The following VEPH1 variants were observed in gnomAD, a reference collection of about 807,000 sequenced individuals.
VEPH1 encodes the protein ventricular zone expressed PH domain containing 1, also known as ventricular zone-expressed PH domain-containing protein homolog 1.
VEPH1 carries 80 observed loss-of-function variants against 85.2 expected under a neutral mutation model. That is an observed-to-expected ratio of 0.94 (90% CI 0.78 to 1.13). VEPH1 has a LOEUF of 1.13. VEPH1 is among the 50% of genes most tolerant of loss of function. VEPH1 has a pLI of 0.00. For synonymous variants in VEPH1, 297 were observed against 348.0 expected (o/e 0.85, Z 1.63); for missense variants, 955 against 980.5 (o/e 0.97, Z 0.35).
chr3:157,317,334 A>G (rs1577325752), intron 9 of VEPH1, 133 bp from the exon 10 acceptor site: 6 of 684,656 alleles, frequency 8.8e-6, no homozygotes, highest in Non-Finnish European at 1.1e-5. Flanking sequence ...ACTACAAACA[A>G]CTATATATTT....
chr3:157,333,537 A>T (rs1040512685), intron 9 of VEPH1, among the ~76,000 whole-genome samples: 1 of 152,202 alleles, frequency 6.6e-6, no homozygotes, highest in Non-Finnish European at 1.5e-5. Flanking sequence ...ATACACACAC[A>T]TACCTCTCTA....
intron 12 of VEPH1, among the ~76,000 whole-genome samples, chr3:157,284,306 C>G (rs966696939): frequency 6.6e-6 from 1 of 152,216 alleles, no homozygotes; most frequent in African/African-American, 2.4e-5. Context: ...TTGGCTCTAA[C>G]TGGATTATGA....
intron 4 of VEPH1, among the ~76,000 whole-genome samples, chr3:157,454,341 T>C (rs1177830648): frequency 6.6e-6 from 1 of 152,188 alleles, no homozygotes; most frequent in Non-Finnish European, 1.5e-5. Flanking sequence ...GGTTGAGTGA[T>C]AAATTTCCAC....
chr3:157,467,004 A>G (rs1044344248), intron 3 of VEPH1, among the ~76,000 whole-genome samples: 11 of 152,202 alleles, frequency 7.2e-5, no homozygotes, highest in Non-Finnish European at 1.5e-5. Context: ...AAATTTAGGG[A>G]CCAAGAAAAG....
chr3:157,458,155 T>A (rs902148799), intron 4 of VEPH1, among the ~76,000 whole-genome samples: 1 of 152,200 alleles, frequency 6.6e-6, no homozygotes, highest in East Asian at 1.9e-4. Context: ...TGTATAGAGG[T>A]GTTCATAATA....
intron 4 of VEPH1, chr3:157,436,794 C>A: frequency 1.3e-6 from 1 of 758,558 alleles, no homozygotes; most frequent in Non-Finnish European, 1.9e-6. Flanking sequence ...ATTACTCATT[C>A]ATCCCCATTC....
At chr3:157,475,372 T>C (rs1356318023) in intron 2 of VEPH1, among the ~76,000 whole-genome samples, 1 of 152,126 alleles carries the variant, frequency 6.6e-6, no homozygotes, top group Non-Finnish European at 1.5e-5. Context: ...GGTGATCTAA[T>C]CTAAAAGTCT....
At chr3:157,443,072 A>G in intron 4 of VEPH1, 1 of 1,393,410 alleles carries the variant, frequency 7.2e-7, no homozygotes, top group Non-Finnish European at 9.7e-7. Flanking sequence ...GCATAATAGG[A>G]ACACTTGAGA....
At chr3:157,437,825 C>T (rs1469710203) in intron 4 of VEPH1, 1 of 1,467,222 alleles carries the variant, frequency 6.8e-7, no homozygotes, top group Non-Finnish European at 8.9e-7. Context: ...GCGGGGCGCG[C>T]CCTGGCCGCG....
At chr3:157,272,709 C>T (rs1372646621) in intron 12 of VEPH1, among the ~76,000 whole-genome samples, 2 of 152,064 alleles carry the variant, frequency 1.3e-5, no homozygotes, top group Non-Finnish European at 2.9e-5. Flanking sequence ...GCAATCTGCC[C>T]ACCTTAGCTT....
intron 6 of VEPH1, among the ~76,000 whole-genome samples, chr3:157,395,867 C>A (rs1486993764): frequency 1.3e-5 from 2 of 152,090 alleles, no homozygotes; most frequent in African/African-American, 4.8e-5. Flanking sequence ...CTCTTCCCAC[C>A]CTCCCGCCTC....
rs1029689986 is a variant in VEPH1 at position 157,424,604 on chromosome 3, A to G, written c.696+3718T>C. Among the ~76,000 whole-genome samples, 8 of 152,356 alleles carry G rather than the reference A, an allele frequency of 5.3e-5. No individual in the cohort carries two copies. In the East Asian group the frequency reaches 1.5e-3, roughly 29 times the overall value. On this transcript the variant is annotated intron_variant, in intron 5 of 13. Coordinates refer to ENST00000362010, the MANE Select transcript of VEPH1 (RefSeq NM_001167912.2). ...GCTGAGGTGGTCTCAGATGGAGATG[A>G]GAAACTTGTTGCAAACTACAGCAAA...
chr3:157,465,331 C>A (rs1402398355), intron 3 of VEPH1, among the ~76,000 whole-genome samples: 1 of 152,126 alleles, frequency 6.6e-6, no homozygotes, highest in Non-Finnish European at 1.5e-5. Flanking sequence ...ATAATTAAAT[C>A]AATAGCTTGT....
At chr3:157,353,208 T>C (rs769393826) in intron 9 of VEPH1, among the ~76,000 whole-genome samples, 9 of 152,186 alleles carry the variant, frequency 5.9e-5, no homozygotes, top group Non-Finnish European at 1.2e-4. Flanking sequence ...AATATTTACA[T>C]TAAAATGTTC....
chr3:157,423,593 C>T (rs191859247), intron 5 of VEPH1, among the ~76,000 whole-genome samples: 1 of 152,354 alleles, frequency 6.6e-6, no homozygotes, highest in Non-Finnish European at 1.5e-5. Context: ...TGATGTCACA[C>T]CCTTTGTGGG....
chr3:157,337,592 T>A (rs1323281909), intron 9 of VEPH1, among the ~76,000 whole-genome samples: 2 of 152,228 alleles, frequency 1.3e-5, no homozygotes, highest in South Asian at 2.1e-4. Context: ...AGATTAAGGA[T>A]GACTTTCTTT....
intron 2 of VEPH1, among the ~76,000 whole-genome samples, chr3:157,491,994 T>A (rs538982829): frequency 5.9e-5 from 9 of 152,154 alleles, no homozygotes; most frequent in Non-Finnish European, 1.2e-4. Context: ...AGCAGAATGA[T>A]AAGAGTGTAG....
intron 12 of VEPH1, among the ~76,000 whole-genome samples, chr3:157,276,227 C>G (rs1322349598): frequency 6.6e-6 from 1 of 152,182 alleles, no homozygotes; most frequent in East Asian, 1.9e-4. Context: ...TAATTTCATA[C>G]CCATCAAAAC....
chr3:157,334,965 G>A (rs528357000), intron 9 of VEPH1, among the ~76,000 whole-genome samples: 4 of 152,244 alleles, frequency 2.6e-5, no homozygotes, highest in African/African-American at 4.8e-5. Context: ...CAGGTTATTC[G>A]CCTTTCTATT....
Sources: gnomAD v4.1 joint callset for allele counts (sites outside exome capture counted in the v4.1 genomes callset) on GRCh38, gnomAD v4.1.1 for gene constraint, MANE v1.5 for transcripts, NCBI Gene and HGNC (gene_info 2026-07-23, HGNC 2026-07-21) for gene names.